Variants in ROBO1 observed in about 807,000 individuals in gnomAD.
ROBO1 encodes roundabout guidance receptor 1, also known as roundabout homolog 1.
ROBO1 carries 149 observed loss-of-function variants against 195.9 expected under a neutral mutation model. The observed-to-expected ratio is 0.76, with a 90% CI of 0.67 to 0.87. The LOEUF (loss-of-function observed/expected upper bound fraction) is 0.87, where lower values mean the gene tolerates loss of function less well. ROBO1 is among the 40% of genes least tolerant of loss of function. The probability of loss-of-function intolerance (pLI) is 0.00; values close to 1 mark genes in which losing one functional copy is unlikely to be tolerated. For missense variants in ROBO1, 1,933 were observed against 2,068.3 expected (o/e 0.93, Z 1.27); for synonymous variants, 816 against 733.2 (o/e 1.11, Z -1.82).
intron 2 of ROBO1, among the ~76,000 whole-genome samples, chr3:79,325,345 C>T (rs2034157979): frequency 6.6e-6 from 1 of 152,132 alleles, no homozygotes. Context: ...TTATTTCATT[C>T]TTCACCCCTC....
At chr3:79,435,500 T>C (rs1379649077) in intron 2 of ROBO1, among the ~76,000 whole-genome samples, 2 of 152,174 alleles carry the variant, frequency 1.3e-5, no homozygotes, top group Non-Finnish European at 2.9e-5. Context: ...ATATTATTTT[T>C]TAGGTTTATT....
intron 2 of ROBO1, among the ~76,000 whole-genome samples, chr3:79,127,741 G>C (rs1011536461): frequency 3.9e-5 from 6 of 152,118 alleles, no homozygotes; most frequent in African/African-American, 1.4e-4. Flanking sequence ...TTTGAAATGA[G>C]ATACCTAAAT....
At chr3:79,115,038 T>G (rs1455652371) in intron 3 of ROBO1, among the ~76,000 whole-genome samples, 1 of 152,300 alleles carries the variant, frequency 6.6e-6, no homozygotes, top group East Asian at 1.9e-4. Context: ...TAATTAATCT[T>G]CCTTTGAAAT....
intron 5 of ROBO1, among the ~76,000 whole-genome samples, chr3:78,746,294 A>G (rs1238442996): frequency 1.3e-5 from 2 of 152,222 alleles, no homozygotes; most frequent in Non-Finnish European, 2.9e-5. Context: ...TTTTTCAGAA[A>G]CAATATTGAA....
At chr3:79,545,506 T>C (rs1466350619) in intron 2 of ROBO1, among the ~76,000 whole-genome samples, 1 of 152,222 alleles carries the variant, frequency 6.6e-6, no homozygotes, top group African/African-American at 2.4e-5. Context: ...GATTCTATGA[T>C]ATCTTCCTGC....
At chr3:78,687,330 A>G (rs903285070) in intron 9 of ROBO1, among the ~76,000 whole-genome samples, 3 of 152,160 alleles carry the variant, frequency 2.0e-5, no homozygotes, top group Non-Finnish European at 2.9e-5. Flanking sequence ...TTTGAGGCCA[A>G]ATGGAATGTG....
chr3:79,126,766 C>T (rs1335481441), intron 2 of ROBO1, among the ~76,000 whole-genome samples: 2 of 152,152 alleles, frequency 1.3e-5, no homozygotes, highest in African/African-American at 4.8e-5. Context: ...CATGCAGGTA[C>T]TGCCCCTCTA....
At chr3:79,460,159 C>T (rs974159915) in intron 2 of ROBO1, among the ~76,000 whole-genome samples, 4 of 152,074 alleles carry the variant, frequency 2.6e-5, no homozygotes, top group Admixed American at 6.5e-5. Flanking sequence ...TTCACTTAAA[C>T]GAAGTGCCTG....
intron 2 of ROBO1, among the ~76,000 whole-genome samples, chr3:79,301,586 T>C (rs1008098424): frequency 6.6e-6 from 1 of 152,222 alleles, no homozygotes; most frequent in Non-Finnish European, 1.5e-5. Context: ...TTGCTATGTT[T>C]CATTAGCTCA....
At chr3:79,288,813 C>T (rs1039946319) in intron 2 of ROBO1, among the ~76,000 whole-genome samples, 2 of 151,952 alleles carry the variant, frequency 1.3e-5, no homozygotes, top group Admixed American at 6.6e-5. Context: ...AATTTCTACT[C>T]AGTTTAGATT....
intron 4 of ROBO1, among the ~76,000 whole-genome samples, chr3:78,826,305 A>G (rs2031595694): frequency 1.3e-5 from 2 of 152,188 alleles, no homozygotes; most frequent in South Asian, 4.1e-4. Flanking sequence ...TATTGCTTAA[A>G]TGAACTTTTT....
chr3:78,869,093 T>G (rs566974857), intron 4 of ROBO1, among the ~76,000 whole-genome samples: 1 of 152,078 alleles, frequency 6.6e-6, no homozygotes, highest in African/African-American at 2.4e-5. Context: ...AGCATTATAG[T>G]TTTTTTTAAG....
At chr3:79,655,639 T>G (rs554944242) in intron 1 of ROBO1, among the ~76,000 whole-genome samples, 1 of 152,074 alleles carries the variant, frequency 6.6e-6, no homozygotes, top group African/African-American at 2.4e-5. Context: ...AGGGCTTTCA[T>G]TGCCATTAAT....
chr3:79,140,667 T>C (rs2080506529), intron 2 of ROBO1, among the ~76,000 whole-genome samples: 2 of 152,162 alleles, frequency 1.3e-5, no homozygotes, highest in Non-Finnish European at 2.9e-5. Context: ...CATATTTGCC[T>C]CCTGCAATGA....
chr3:79,035,070 A>G (rs1401978147), intron 3 of ROBO1, among the ~76,000 whole-genome samples: 1 of 152,152 alleles, frequency 6.6e-6, no homozygotes, highest in Non-Finnish European at 1.5e-5. Flanking sequence ...GAAATACACC[A>G]AAATAGCAAT....
intron 18 of ROBO1, among the ~76,000 whole-genome samples, chr3:78,652,869 T>C (rs1430695198): frequency 6.6e-6 from 1 of 152,108 alleles, no homozygotes; most frequent in East Asian, 1.9e-4. Flanking sequence ...ACAAGGGGCC[T>C]GCAAAGTTGC....
intron 3 of ROBO1, among the ~76,000 whole-genome samples, chr3:78,950,252 G>C (rs905310573): frequency 2.6e-5 from 4 of 151,964 alleles, no homozygotes; most frequent in Non-Finnish European, 4.4e-5. Context: ...CAAAGACTTG[G>C]AACCAACCTA....
In ROBO1 at chr3:78,688,691, C is replaced by A; in HGVS notation, c.1127G>T (p.Gly376Val). 6.2e-7 allele frequency: 1 copy of A among 1,607,624 alleles called. No individual in the cohort carries two copies. Among genetic ancestry groups the A allele is most frequent in the South Asian group, 1.1e-5 (1 of 89,636 alleles). ...CCAGAAAATAGCTGGTTGAGGATTT[C>A]CGGTTGCTTCACACTGAAAAGTTAC... Reference protein sequence around the residue: ...RTVTFQCEATGNPQPAIFWRR... With the variant: ...RTVTFQCEATVNPQPAIFWRR... The change falls in exon 9 of 31, where the codon GGA (glycine) becomes GTA (valine). Residue 376 changes from glycine to valine, a missense_variant. Gly to Val is a moderately radical substitution (Grantham distance 109). Transcript: ENST00000464233.
Position 78,711,348 on chromosome 3 carries a change from CTCCTTCCTTCCTTCCTTCCT to C in ROBO1, c.1045+3029_1045+3048del, listed in dbSNP as rs1191923818. ...CTCTCCTTCCTTCCTTCCTTCCTTC[CTCCTTCCTTCCTTCCTTCCT>C]TCCTTCCTTCCTTCCTTCCTTCCTT... is the stretch of plus-strand genomic sequence containing the variant. On this transcript the variant is annotated intron_variant, in intron 8 of 30. Transcript: ENST00000464233. 2.7e-3 allele frequency among the ~76,000 whole-genome samples: 146 copies of C among 54,656 alleles called. 2 individuals carry two copies. Among genetic ancestry groups the C allele is most frequent in the Admixed American group, 4.4e-3 (20 of 4,536 alleles). The allele number at this position is 54,656 out of a possible 152,430, so 35.9% of individuals were successfully genotyped here.
Sources: gnomAD v4.1 joint callset for allele counts (sites outside exome capture counted in the v4.1 genomes callset) on GRCh38, gnomAD v4.1.1 for gene constraint, MANE v1.5 for transcripts, NCBI Gene and HGNC (gene_info 2026-07-23, HGNC 2026-07-21) for gene names.